NALF1: variants seen among roughly 807,000 people sequenced by gnomAD.
NALF1 encodes the protein family with sequence similarity 155 member A.
In NALF1, 3 loss-of-function variants were observed where a neutral mutation model predicts 48.4. The ratio of observed to expected loss-of-function variants is 0.06; its 90% confidence interval spans 0.03 to 0.16. The LOEUF (loss-of-function observed/expected upper bound fraction) is 0.16, where lower values mean the gene tolerates loss of function less well. Among genes scored for constraint, NALF1 ranks in the 10% least tolerant of loss-of-function variants. The pLI is 1.00. For missense variants in NALF1, 526 were observed against 571.5 expected (o/e 0.92, Z 0.81); for synonymous variants, 262 against 245.7 (o/e 1.07, Z -0.62).
Position 107,362,446 on chromosome 13 carries a change from A to AG in NALF1, c.916-151692dup, listed in dbSNP as rs1883080062. Among the ~76,000 whole-genome samples the AG allele has an allele frequency of 6.6e-6, 1 of 152,126 alleles. No individual in the cohort carries two copies. Among genetic ancestry groups the AG allele is most frequent in the South Asian group, 2.1e-4 (1 of 4,828 alleles). ...GCCTCCTCCTGACTTTGGAGGTATCAGGCAATCGGTGACATCTCTTGATTT... is the reference window on the plus strand; with the variant it reads ...GCCTCCTCCTGACTTTGGAGGTATCAGGGCAATCGGTGACATCTCTTGATTT... On this transcript the variant is annotated intron_variant, in intron 1 of 2. Transcript: ENST00000375915. The surrounding 1 kb of genome is among the most constrained non-coding windows in gnomAD (Gnocchi z 4.6).
chr13:107,599,332 G>A (rs1878853363), intron 1 of NALF1, among the ~76,000 whole-genome samples: 1 of 150,570 alleles, frequency 6.6e-6, no homozygotes, highest in South Asian at 2.1e-4. Flanking sequence ...TGAGGCAGGA[G>A]AATGGCATGA....
At chr13:107,756,167 T>A (rs3905068) in intron 1 of NALF1, among the ~76,000 whole-genome samples, 12,702 of 152,246 alleles carry the variant, frequency 0.083, 649 homozygotes, top group East Asian at 0.16. Flanking sequence ...AAATACTAAA[T>A]TATTATTTCT....
chr13:107,521,624 C>T (rs994807525), intron 1 of NALF1, among the ~76,000 whole-genome samples: 4 of 151,994 alleles, frequency 2.6e-5, no homozygotes, highest in African/African-American at 9.7e-5. Flanking sequence ...TTAAATTATG[C>T]TTTGCTTTTG....
At chr13:107,776,451 G>T (rs573336558) in intron 1 of NALF1, among the ~76,000 whole-genome samples, 4 of 152,236 alleles carry the variant, frequency 2.6e-5, no homozygotes, top group Admixed American at 2.0e-4. Context: ...CATTCTTAAC[G>T]CATAAAGAAC....
chr13:107,711,659 T>C (rs890742392), intron 1 of NALF1, among the ~76,000 whole-genome samples: 1 of 152,230 alleles, frequency 6.6e-6, no homozygotes, highest in Non-Finnish European at 1.5e-5. Context: ...CCTTAGCACA[T>C]TGGGAATATC....
chr13:107,606,922 T>C (rs879799194), intron 1 of NALF1, among the ~76,000 whole-genome samples: 3 of 152,190 alleles, frequency 2.0e-5, no homozygotes, highest in African/African-American at 7.2e-5. Flanking sequence ...AATTTAACAT[T>C]GCTAACATTA....
chr13:107,266,939 AGTGT>A (rs1405310438), intron 1 of NALF1, among the ~76,000 whole-genome samples: 5 of 152,100 alleles, frequency 3.3e-5, no homozygotes, highest in African/African-American at 1.2e-4. Context: ...CCTGGCTTGT[AGTGT>A]CTCTAGAACT....
chr13:107,852,938 A>T (rs1324049210), intron 1 of NALF1, among the ~76,000 whole-genome samples: 4 of 152,246 alleles, frequency 2.6e-5, no homozygotes, highest in Middle Eastern at 3.4e-3. Context: ...TTCCTGGCTT[A>T]TTTGCAGCAT....
chr13:107,463,349 T>C (rs1210682341), intron 1 of NALF1, among the ~76,000 whole-genome samples: 1 of 152,216 alleles, frequency 6.6e-6, no homozygotes, highest in East Asian at 1.9e-4. Flanking sequence ...TTCTACACAA[T>C]TCTATGGGCC....
intron 1 of NALF1, among the ~76,000 whole-genome samples, chr13:107,397,549 T>C (rs1362774891): frequency 1.3e-5 from 2 of 152,108 alleles, no homozygotes; most frequent in Non-Finnish European, 2.9e-5. Context: ...AGGATTCTAA[T>C]CTTATTGTGT....
At position 107,167,484 on chromosome 13, in the gene NALF1, C is replaced by G. The variant is rs1594050808; in HGVS notation, c.*3013G>C. 6.6e-6 allele frequency: 1 copy of G among 152,238 alleles called. No individual in the cohort carries two copies. The highest frequency in any genetic ancestry group is 2.4e-5 in the African/African-American group (1 of 41,458). 9.4% of individuals were successfully genotyped at this position (152,238 alleles called of 1,614,324 possible). A position where few individuals can be genotyped will look rare whatever the true frequency, so the allele number is the denominator to read the frequency against. ...CCTGACCCCAGAAGAAGCTGCTTTG[C>G]TTCAACATGTCCAGTGGAAATATTG... On this transcript the variant is annotated 3_prime_UTR_variant, in exon 3 of 3. Transcript: ENST00000375915.
intron 1 of NALF1, among the ~76,000 whole-genome samples, chr13:107,380,095 A>G (rs1045222352): frequency 2.1e-4 from 32 of 152,252 alleles, no homozygotes; most frequent in Non-Finnish European, 4.0e-4. Flanking sequence ...ATGATACGGG[A>G]AAAGTAATAG....
intron 1 of NALF1, among the ~76,000 whole-genome samples, chr13:107,730,170 T>C (rs895422665): frequency 3.3e-5 from 5 of 152,214 alleles, no homozygotes; most frequent in African/African-American, 1.2e-4. Context: ...AGAACTACTG[T>C]CGAGAATCAT....
intron 1 of NALF1, among the ~76,000 whole-genome samples, chr13:107,295,134 C>T (rs938958697): frequency 2.6e-5 from 4 of 152,236 alleles, no homozygotes; most frequent in Non-Finnish European, 5.9e-5. Flanking sequence ...GTTTCTCAAC[C>T]CTTGTCCCCT....
At chr13:107,624,480 T>C (rs1879611846) in intron 1 of NALF1, among the ~76,000 whole-genome samples, 1 of 152,206 alleles carries the variant, frequency 6.6e-6, no homozygotes, top group Non-Finnish European at 1.5e-5. Flanking sequence ...TCATCCTGTA[T>C]AATACTTTTT....
At chr13:107,607,294 CTTAAA>C (rs1017942669) in intron 1 of NALF1, among the ~76,000 whole-genome samples, 23 of 151,960 alleles carry the variant, frequency 1.5e-4, no homozygotes, top group African/African-American at 5.6e-4. Context: ...AGATTGTAGG[CTTAAA>C]TTAAATAAAT....
rs575642102 is a variant in NALF1, at chr13:107,684,771, C to T, written c.915+180911G>A. ...TGGGAAAACTCAGTACTTATCAACA[C>T]GCACAGATGTTGACAAATATCTTCA... is the stretch of plus-strand genomic sequence containing the variant. On this transcript the variant is annotated intron_variant, in intron 1 of 2. Transcript: ENST00000375915. Among the ~76,000 whole-genome samples the T allele has an allele frequency of 1.2e-3, 180 of 152,318 alleles. 1 individual carries two copies. The highest frequency in any genetic ancestry group is 6.8e-3 in the Middle Eastern group (2 of 294).
chr13:107,418,465 G>A (rs1004123549), intron 1 of NALF1, among the ~76,000 whole-genome samples: 7 of 152,144 alleles, frequency 4.6e-5, no homozygotes, highest in African/African-American at 1.7e-4. Flanking sequence ...CAGAAACGAT[G>A]AGATAATAAA....
At chr13:107,496,916 C>CA (rs1046451493) in intron 1 of NALF1, among the ~76,000 whole-genome samples, 3 of 152,124 alleles carry the variant, frequency 2.0e-5, no homozygotes. Flanking sequence ...AATTACCTCC[C>CA]ACCAGGTCCC....
Sources: gnomAD v4.1 joint callset for allele counts (sites outside exome capture counted in the v4.1 genomes callset) on GRCh38, gnomAD v4.1.1 for gene constraint, Gnocchi (gnomAD v3.1) non-coding constraint, MANE v1.5 for transcripts, NCBI Gene and HGNC (gene_info 2026-07-23, HGNC 2026-07-21) for gene names.